ITGAV: variants seen among roughly 807,000 people sequenced by gnomAD.
ITGAV encodes integrin subunit alpha V.
Under a neutral mutation model 143.8 loss-of-function variants are expected in ITGAV, and 76 were observed. The ratio of observed to expected loss-of-function variants is 0.53; its 90% CI spans 0.44 to 0.64. The LOEUF is 0.64. Among genes scored for constraint, ITGAV ranks in the 30% least tolerant of loss-of-function variants. The pLI, the probability that ITGAV is intolerant of heterozygous loss-of-function variation, is 0.00. For missense variants in ITGAV, 1,193 were observed against 1,274.7 expected (o/e 0.94, Z 0.98); for synonymous variants, 453 against 446.7 (o/e 1.01, Z -0.18).
intron 2 of ITGAV, among the ~76,000 whole-genome samples, chr2:186,614,043 C>T (rs1443989838): frequency 1.3e-5 from 2 of 151,978 alleles, no homozygotes; most frequent in Non-Finnish European, 2.9e-5. Flanking sequence ...AACTCCTTTA[C>T]ATGTAAGAGA....
At chr2:186,654,799 A>G (rs777875992) in intron 16 of ITGAV, 91 bp downstream of exon 16, 3 of 592,546 alleles carry the variant, frequency 5.1e-6, no homozygotes, top group Non-Finnish European at 9.1e-6. Flanking sequence ...AGTTACTTGA[A>G]TTGTTATTAT....
rs772544431 is a variant in ITGAV, at chr2:186,641,497, C to A, written c.1068C>A (p.Phe356Leu). Reference protein sequence around the residue: ...SVSLQRASGDFQTTKLNGFEV... With the variant: ...SVSLQRASGDLQTTKLNGFEV... The stretch of plus-strand genomic sequence containing the variant: ...CTCTACAGAGAGCTTCAGGAGACTT[C>A]CAGACGACAAAGCTGAATGGATTTG... Residue 356 changes from phenylalanine (F) to leucine (L), a missense_variant, in exon 12 of 30, where the codon TTC (phenylalanine) becomes TTA (leucine). Transcript: ENST00000261023. The A allele has an allele frequency of 6.2e-7, 1 of 1,614,022 alleles. No homozygotes were observed.
chr2:186,667,022 A>G (rs1444999812), intron 22 of ITGAV, 128 bp from the exon 23 acceptor site: 17 of 589,126 alleles, frequency 2.9e-5, no homozygotes, highest in East Asian at 9.3e-5. Flanking sequence ...GTTAATGAAA[A>G]TAACTATTTT....
intron 1 of ITGAV, among the ~76,000 whole-genome samples, chr2:186,590,936 T>C (rs897052954): frequency 2.0e-5 from 3 of 151,986 alleles, no homozygotes; most frequent in Non-Finnish European, 4.4e-5. Flanking sequence ...TTTTTCTGCT[T>C]TACAGGCTTA....
chr2:186,590,825 GTCTTGCCGGACTCCCCGCC>G, intron 1 of ITGAV, among the ~76,000 whole-genome samples: 1 of 152,282 alleles, frequency 6.6e-6, no homozygotes, highest in African/African-American at 2.4e-5. Flanking sequence ...ACAAAGGCTG[GTCTTGCCGGACTCCCCGCC>G]TCCTGTGCCA....
At position 186,679,395 on chromosome 2, in the gene ITGAV, A is replaced by G. The variant is rs1468572583; in HGVS notation, c.*2103A>G. The G allele has an allele frequency of 6.6e-6, 1 of 151,932 alleles. No homozygotes were observed. Among genetic ancestry groups the G allele is most frequent in the Non-Finnish European group, 1.5e-5 (1 of 67,836 alleles). The allele number at this position is 151,932 out of a possible 1,614,324, so 9.4% of individuals were successfully genotyped here. ...TTACCTTTATGAAATATAGTTTTGTATAATAGCATAGATTTTCCTTCAAAA... is the reference window on the plus strand; with the variant it reads ...TTACCTTTATGAAATATAGTTTTGTGTAATAGCATAGATTTTCCTTCAAAA... On this transcript the variant is annotated 3_prime_UTR_variant, in exon 30 of 30. Coordinates refer to ENST00000261023, the MANE Select transcript of ITGAV (RefSeq NM_002210.5).
At chr2:186,649,023 TACACATTTGTGTGTATATATATAC>T (rs1559058691) in intron 13 of ITGAV, among the ~76,000 whole-genome samples, 2 of 44,308 alleles carry the variant, frequency 4.5e-5, no homozygotes, top group Non-Finnish European at 1.0e-4. Context: ...TGTATATATA[TACACATTTGTGTGTATATATATAC>T]ACACATTTAC....
chr2:186,677,284 G>C lies in ITGAV; in HGVS notation c.3139G>C (p.Glu1047Gln). 6.2e-7 allele frequency: 1 copy of C among 1,611,484 alleles called. No individual in the cohort carries two copies. The highest frequency in any genetic ancestry group is 8.5e-7 in the Non-Finnish European group (1 of 1,177,926). ...TCATGAAAATGGTGAAGGAAACTCA[G>C]AAACTTAACTGCAGTTTTTAAGTTA... Reference protein sequence around the residue: ...QPHENGEGNSET With the variant: ...QPHENGEGNSQT The change falls in exon 30 of 30, where the codon GAA becomes CAA. Residue 1047 changes from glutamate to glutamine, a missense_variant. Physicochemically the swap from Glu to Gln is conservative, Grantham distance 29. Transcript: ENST00000261023.
chr2:186,625,678 T>TGTGAGA (rs5836988), intron 4 of ITGAV, 91 bp downstream of exon 4: 62 of 453,034 alleles, frequency 1.4e-4, no homozygotes, highest in African/African-American at 5.5e-4. Context: ...TGTGTGTGTG[T>TGTGAGA]GAGAGAGAGA....
At chr2:186,620,178 TC>T (rs1687482839) in intron 2 of ITGAV, among the ~76,000 whole-genome samples, 1 of 152,188 alleles carries the variant, frequency 6.6e-6, no homozygotes, top group African/African-American at 2.4e-5. Flanking sequence ...ACCCTTACTT[TC>T]CTATAACTCT....
chr2:186,668,891 G>T lies in ITGAV; in HGVS notation c.2563G>T (p.Asp855Tyr), dbSNP rs1333718165. Residue 855 changes from aspartate to tyrosine, a missense_variant, in exon 25 of 30, where the codon GAT becomes TAT. Physicochemically the swap from Asp to Tyr is radical, Grantham distance 160. Transcript: ENST00000261023. ...DIDGPMNCTS[D>Y]MEINPLRIKI... ...TGATGGACCAATGAACTGCACTTCAGATATGGAGATCAACCCTTTGAGAAT... is the reference window on the plus strand; with the variant it reads ...TGATGGACCAATGAACTGCACTTCATATATGGAGATCAACCCTTTGAGAAT... 6.2e-7 allele frequency: 1 copy of T among 1,611,598 alleles called. No homozygotes were observed.
intron 1 of ITGAV, among the ~76,000 whole-genome samples, chr2:186,597,893 T>A (rs958308660): frequency 6.6e-6 from 1 of 152,032 alleles, no homozygotes; most frequent in African/African-American, 2.4e-5. Flanking sequence ...CCCGAAAGCA[T>A]CCCCCTCTAT....
At chr2:186,622,223 G>A (rs1687547559) in intron 2 of ITGAV, 116 bp from the exon 3 acceptor site, 1 of 680,456 alleles carries the variant, frequency 1.5e-6, no homozygotes, top group East Asian at 2.8e-5. Flanking sequence ...AATAACCAGT[G>A]GAATATTTGA....
At chr2:186,600,295 T>G (rs776233326) in intron 1 of ITGAV, 1 of 1,529,470 alleles carries the variant, frequency 6.5e-7, no homozygotes, top group South Asian at 1.2e-5. Context: ...TCCACTTCCC[T>G]CATCCCCACC....
At chr2:186,627,497 C>T (rs762107339) in intron 4 of ITGAV, among the ~76,000 whole-genome samples, 5 of 152,268 alleles carry the variant, frequency 3.3e-5, no homozygotes, top group East Asian at 3.9e-4. Flanking sequence ...TGAAAACATG[C>T]GTTCTAACAA....
intron 5 of ITGAV, among the ~76,000 whole-genome samples, chr2:186,633,115 C>A (rs752166896): frequency 1.4e-5 from 2 of 146,486 alleles, no homozygotes; most frequent in Non-Finnish European, 3.0e-5. Context: ...GCTTACCAGC[C>A]TGGATAAGGG....
intron 1 of ITGAV, among the ~76,000 whole-genome samples, chr2:186,596,706 CT>C (rs1271145596): frequency 6.6e-6 from 1 of 151,948 alleles, no homozygotes; most frequent in African/African-American, 2.4e-5. Flanking sequence ...GCCTGTGTTG[CT>C]TTTTATTCCT....
Position 186,656,263 on chromosome 2 carries a change from T to C in ITGAV, c.1581T>C (p.Leu527=). The change falls in exon 17 of 30, where the codon CTT becomes CTC. Residue 527 remains leucine, a synonymous_variant. Transcript: ENST00000261023. ...TTTACATAGATTTCCAGGTGGAACT[T>C]CTTTTGGATAAACTCAAGCAAAAGG... is the stretch of plus-strand genomic sequence containing the variant. ...LPRKLNFQVE[L]LLDKLKQKGA... 1 of 1,580,300 alleles carries C rather than the reference T, an allele frequency of 6.3e-7. No homozygotes were observed. The highest frequency in any genetic ancestry group is 8.6e-7 in the Non-Finnish European group (1 of 1,168,386).
chr2:186,630,094 C>T (rs552235292), intron 4 of ITGAV, among the ~76,000 whole-genome samples: 1 of 152,054 alleles, frequency 6.6e-6, no homozygotes, highest in East Asian at 1.9e-4. Flanking sequence ...GGGAGGATAG[C>T]TTTATATTTT....
Sources: gnomAD v4.1 joint callset for allele counts (sites outside exome capture counted in the v4.1 genomes callset) on GRCh38, gnomAD v4.1.1 for gene constraint, MANE v1.5 for transcripts, NCBI Gene and HGNC (gene_info 2026-07-23, HGNC 2026-07-21) for gene names.